Variants in MYH11 observed in about 807,000 individuals in gnomAD.
The protein encoded by MYH11 is myosin-11.
In MYH11, 80 loss-of-function variants were observed where a neutral mutation model predicts 246.6. The observed-to-expected ratio is 0.32, with a 90% CI of 0.27 to 0.39. MYH11 has a LOEUF of 0.39. MYH11 is among the 10% of genes least tolerant of loss of function. MYH11 has a pLI of 1.00. For synonymous variants in MYH11, 1,071 were observed against 1,015.5 expected, an observed-to-expected ratio of 1.05 and a Z score of -1.04; for missense variants, 2,158 against 2,546.8, an observed-to-expected ratio of 0.85 and a Z score of 3.29.
intron 40 of MYH11, 136 bp from the exon 41 acceptor site, chr16:15,704,259 G>A (rs555769054): frequency 3.9e-5 from 37 of 939,100 alleles, no homozygotes; most frequent in South Asian, 2.9e-5. Flanking sequence ...AAACACACAC[G>A]GCACAAATAA....
intron 37 of MYH11, 126 bp downstream of exon 37, chr16:15,718,189 C>A (rs1017925698): frequency 6.7e-7 from 1 of 1,497,046 alleles, no homozygotes; most frequent in South Asian, 1.1e-5. Context: ...TCAGGCCCCA[C>A]CACCCTCTTG....
At chr16:15,855,278 C>A (rs34332406) in intron 1 of MYH11, among the ~76,000 whole-genome samples, 6 of 152,088 alleles carry the variant, frequency 3.9e-5, no homozygotes, top group Non-Finnish European at 8.8e-5. Flanking sequence ...AGCTAGGTCA[C>A]CCCCTCAATC....
intron 27 of MYH11, among the ~76,000 whole-genome samples, chr16:15,730,890 A>G (rs1050235244): frequency 2.0e-5 from 3 of 152,230 alleles, no homozygotes; most frequent in African/African-American, 7.2e-5. Flanking sequence ...TACACCGCAA[A>G]GAGTTCCAAC....
chr16:15,715,540 G>T (rs1195737363), intron 38 of MYH11, among the ~76,000 whole-genome samples: 1 of 152,234 alleles, frequency 6.6e-6, no homozygotes, highest in African/African-American at 2.4e-5. Flanking sequence ...GATATCAAGT[G>T]TCCAGAATAG....
At chr16:15,763,754 C>CCCCCCCCCCCA in intron 10 of MYH11, 42 bp downstream of exon 10, 1 of 854,258 alleles carries the variant, frequency 1.2e-6, no homozygotes, top group Non-Finnish European at 2.0e-6. Context: ...CCCACCCCCC[C>CCCCCCCCCCCA]AACCCCAAAG....
intron 12 of MYH11, among the ~76,000 whole-genome samples, chr16:15,758,963 CAA>C (rs564088648): frequency 1.0e-5 from 1 of 97,372 alleles, no homozygotes; most frequent in Non-Finnish European, 2.2e-5. Context: ...GACTCTGTCT[CAA>C]AAAAAAAAAA....
intron 2 of MYH11, among the ~76,000 whole-genome samples, chr16:15,836,578 T>G (rs1050218565): frequency 6.6e-6 from 1 of 151,690 alleles, no homozygotes; most frequent in African/African-American, 2.4e-5. Flanking sequence ...TTTTGTATTT[T>G]TAGTAGAGAC....
intron 4 of MYH11, among the ~76,000 whole-genome samples, chr16:15,787,999 A>C (rs1182573880): frequency 6.6e-6 from 1 of 151,252 alleles, no homozygotes. Flanking sequence ...TAAAGTGTAA[A>C]TGACTGATAT....
chr16:15,715,145 G>T lies in MYH11; in HGVS notation c.5613+19C>A. 1 of 1,612,930 alleles carries T rather than the reference G, an allele frequency of 6.2e-7. No homozygotes were observed. On this transcript the variant is annotated intron_variant, in intron 39 of 40. Coordinates refer to ENST00000300036, the MANE Select transcript of MYH11 (RefSeq NM_002474.3). Reference sequence around the variant, plus strand: ...GCTGGGGGCTGGGGGCTCGAGGGAGGCTGGGTGGCAGGGGCTACCTGCTCC... The same window carrying T: ...GCTGGGGGCTGGGGGCTCGAGGGAGTCTGGGTGGCAGGGGCTACCTGCTCC...
intron 37 of MYH11, 156 bp downstream of exon 37, chr16:15,718,159 A>C: frequency 8.5e-7 from 1 of 1,170,634 alleles, no homozygotes; most frequent in Non-Finnish European, 1.2e-6. Context: ...CACTGGTGTA[A>C]GGGCCCTGGA....
At chr16:15,832,768 C>T (rs905562850) in intron 2 of MYH11, among the ~76,000 whole-genome samples, 13 of 151,952 alleles carry the variant, frequency 8.6e-5, no homozygotes, top group African/African-American at 3.1e-4. Flanking sequence ...ACTGTCCCCT[C>T]CTGCTCCAGC....
At chr16:15,777,577 G>T (rs1404533112) in intron 7 of MYH11, among the ~76,000 whole-genome samples, 1 of 152,192 alleles carries the variant, frequency 6.6e-6, no homozygotes, top group Non-Finnish European at 1.5e-5. Context: ...GCTGAGAGGT[G>T]TGTGCAGGGC....
In MYH11 at chr16:15,738,574, C is replaced by G; in HGVS notation, c.3112G>C (p.Glu1038Gln). 6.2e-7 allele frequency: 1 copy of G among 1,613,126 alleles called. No individual in the cohort carries two copies. Among genetic ancestry groups the G allele is most frequent in the Non-Finnish European group, 8.5e-7 (1 of 1,179,696 alleles). The change falls in exon 24 of 41, where the codon GAA becomes CAA. Residue 1038 changes from glutamate to glutamine, a missense_variant. By Grantham distance (29) the Glu-to-Gln change is conservative. This residue lies in a region of MYH11 where 284 missense variants were observed against 315.4 expected (regional missense o/e 0.90). Transcript: ENST00000300036. ...LKNKHESMISELEVRLKKEEK... is the reference protein window; with the variant it reads ...LKNKHESMISQLEVRLKKEEK... ...TTGGTAGCTGGTTTACCTTCCAGTT[C>G]TGAAATCATAGATTCATGCTTGTTT...
chr16:15,810,028 T>G (rs1017275130), intron 3 of MYH11, among the ~76,000 whole-genome samples: 3 of 132,994 alleles, frequency 2.3e-5, no homozygotes, highest in Middle Eastern at 3.5e-3. Flanking sequence ...TTACGGTTTT[T>G]GTTTTTGTTT....
At chr16:15,848,922 T>G (rs112545672) in intron 1 of MYH11, among the ~76,000 whole-genome samples, 2,886 of 152,230 alleles carry the variant, frequency 0.019, 83 homozygotes, top group African/African-American at 0.057. Context: ...TTCATCTACC[T>G]TGATGCACCT....
chr16:15,782,311 C>A, intron 6 of MYH11, 74 bp downstream of exon 6: 1 of 1,349,722 alleles, frequency 7.4e-7, no homozygotes, highest in Non-Finnish European at 1.1e-6. Flanking sequence ...CCTCTGCACG[C>A]AAACACTCTG....
intron 3 of MYH11, among the ~76,000 whole-genome samples, chr16:15,806,279 CAAAAAAAAAAAAAAAAAAAAAA>C (rs71134463): frequency 1.6e-5 from 1 of 61,120 alleles, no homozygotes. Flanking sequence ...CACTCTGTCT[CAAAAAAAAAAAAAAAAAAAAAA>C]AAAAAAAAAA....
At chr16:15,711,591 G>T (rs542165886) in intron 40 of MYH11, among the ~76,000 whole-genome samples, 1 of 152,342 alleles carries the variant, frequency 6.6e-6, no homozygotes, top group African/African-American at 2.4e-5. Flanking sequence ...ATTAAAGGTA[G>T]TAAGAGGCTC....
intron 19 of MYH11, 37 bp downstream of exon 19, chr16:15,747,533 G>C (rs373250605): frequency 2.0e-5 from 33 of 1,613,690 alleles, no homozygotes; most frequent in Non-Finnish European, 2.8e-5. Flanking sequence ...TTTGTGATTC[G>C]CGTTTGAGGT....
Sources: gnomAD v4.1 joint callset for allele counts (sites outside exome capture counted in the v4.1 genomes callset) on GRCh38, gnomAD v4.1.1 for gene constraint, gnomAD v4.1.1 regional missense constraint, MANE v1.5 for transcripts, NCBI Gene and HGNC (gene_info 2026-07-23, HGNC 2026-07-21) for gene names.